The following CHLSN variants were observed in gnomAD, a reference collection of about 807,000 sequenced individuals.
CHLSN encodes cholesin, also known as protein cholesin.
At chr7:1,117,225 T>C in the CHLSN span, among the ~76,000 whole-genome samples, 144 of 14,768 alleles carry the variant, frequency 9.8e-3, 4 homozygotes, top group Admixed American at 0.016. Context: ...ATCACCGACG[T>C]CCACGCAGGA....
the CHLSN span, chr7:1,044,465 G>GGGGGCGGAGGCC: frequency 3.8e-5 from 3 of 79,156 alleles, no homozygotes; most frequent in Admixed American, 1.2e-4. Context: ...GGCGGGGCCG[G>GGGGGCGGAGGCC]GGGGCGGAGG....
the CHLSN span, among the ~76,000 whole-genome samples, chr7:992,039 C>T: frequency 0.034 from 5,173 of 152,270 alleles, 125 homozygotes; most frequent in African/African-American, 0.057. Context: ...GCATGGATTT[C>T]GGGAGATGCC....
the CHLSN span, among the ~76,000 whole-genome samples, chr7:1,053,209 C>G: frequency 6.6e-6 from 1 of 152,244 alleles, no homozygotes; most frequent in Middle Eastern, 3.2e-3. Context: ...GAAGGCTCCA[C>G]CCGCCTGGGC....
the CHLSN span, among the ~76,000 whole-genome samples, chr7:1,116,565 A>G: frequency 1.9e-4 from 15 of 78,806 alleles, no homozygotes; most frequent in Middle Eastern, 0.011. Flanking sequence ...CCCACGCAGG[A>G]TGATGACATC....
At chr7:987,985 T>G in the CHLSN span, among the ~76,000 whole-genome samples, 2 of 86,582 alleles carry the variant, frequency 2.3e-5, no homozygotes, top group African/African-American at 4.0e-5. Context: ...CCTGGGGGGG[T>G]CCCCTCTGTG....
the CHLSN span, among the ~76,000 whole-genome samples, chr7:1,039,551 GGT>G: frequency 1.9e-5 from 1 of 53,554 alleles, no homozygotes; most frequent in Non-Finnish European, 3.3e-5. Context: ...GAGGTGGGGG[GGT>G]GTCAGCCCCC....
the CHLSN span, among the ~76,000 whole-genome samples, chr7:1,070,656 CAT>C: frequency 6.6e-6 from 1 of 150,920 alleles, no homozygotes; most frequent in East Asian, 2.0e-4. Flanking sequence ...CATGCACACA[CAT>C]GCACGCACAT....
the CHLSN span, among the ~76,000 whole-genome samples, chr7:992,389 G>C: frequency 3.3e-5 from 5 of 152,142 alleles, no homozygotes; most frequent in Admixed American, 3.3e-4. Context: ...GGAGGGTGAG[G>C]CCCCCCCACA....
At chr7:1,038,853 T>C in the CHLSN span, among the ~76,000 whole-genome samples, 2 of 51,354 alleles carry the variant, frequency 3.9e-5, no homozygotes, top group Admixed American at 3.5e-4. Flanking sequence ...GCCCCCCGCC[T>C]GGCCAGCCGC....
the CHLSN span, among the ~76,000 whole-genome samples, chr7:1,119,972 TA>T: frequency 1.3e-5 from 2 of 151,134 alleles, no homozygotes; most frequent in Non-Finnish European, 2.9e-5. Context: ...CTATCACACA[TA>T]AAACAAATTT....
chr7:1,031,899 C>A, the CHLSN span, among the ~76,000 whole-genome samples: 1 of 151,992 alleles, frequency 6.6e-6, no homozygotes, highest in Non-Finnish European at 1.5e-5. Context: ...CAGCAAACAC[C>A]ACCCGGGGAA....
At chr7:983,046 C>T in the CHLSN span, among the ~76,000 whole-genome samples, 96 of 150,374 alleles carry the variant, frequency 6.4e-4, 1 homozygote, top group East Asian at 0.018. Flanking sequence ...CCACGCAGGC[C>T]TGCAGCTTTA....
the CHLSN span, among the ~76,000 whole-genome samples, chr7:1,126,624 T>C: frequency 6.6e-6 from 1 of 151,976 alleles, no homozygotes; most frequent in Non-Finnish European, 1.5e-5. Flanking sequence ...GAGGTTGCAC[T>C]GAGCTGAGAT....
chr7:1,006,193 C>A, the CHLSN span, among the ~76,000 whole-genome samples: 1 of 152,180 alleles, frequency 6.6e-6, no homozygotes, highest in Non-Finnish European at 1.5e-5. Flanking sequence ...CAAACTTCCG[C>A]CTATGCAAGG....
At chr7:1,124,485 G>A in the CHLSN span, among the ~76,000 whole-genome samples, 1 of 146,756 alleles carries the variant, frequency 6.8e-6, no homozygotes, top group Admixed American at 6.9e-5. Flanking sequence ...CGGGAAACCA[G>A]CGTCCATCTG....
the CHLSN span, chr7:1,058,581 G>A: frequency 2.6e-5 from 18 of 689,614 alleles, no homozygotes; most frequent in Middle Eastern, 7.5e-4. Flanking sequence ...TACCCTGGAC[G>A]CTCCCCACAT....
chr7:1,019,531 G>A, the CHLSN span, among the ~76,000 whole-genome samples: 2 of 152,200 alleles, frequency 1.3e-5, no homozygotes, highest in African/African-American at 2.4e-5. Flanking sequence ...TGCAGCACCC[G>A]GGCTTTTCAA....
At chr7:1,000,773 G>A in the CHLSN span, among the ~76,000 whole-genome samples, 2 of 152,188 alleles carry the variant, frequency 1.3e-5, no homozygotes, top group Non-Finnish European at 2.9e-5. Context: ...GCATGTGGAC[G>A]CCACTCTTAC....
the CHLSN span, among the ~76,000 whole-genome samples, chr7:1,117,423 C>T: frequency 3.2e-5 from 4 of 125,718 alleles, no homozygotes; most frequent in Admixed American, 7.6e-5. Flanking sequence ...TGCAGTTCTA[C>T]GGACCGGCTT....
Sources: gnomAD v4.1 joint callset for allele counts (sites outside exome capture counted in the v4.1 genomes callset) on GRCh38, gnomAD v4.1.1 for gene constraint, MANE v1.5 for transcripts, NCBI Gene and HGNC (gene_info 2026-07-23, HGNC 2026-07-21) for gene names.